TRPC4: variants seen among roughly 807,000 people sequenced by gnomAD.
The protein encoded by TRPC4 is short transient receptor potential channel 4.
In TRPC4, 49 loss-of-function variants were observed where a neutral mutation model predicts 99.4. The ratio of observed to expected loss-of-function variants is 0.49; its 90% CI spans 0.39 to 0.63. The LOEUF is 0.63. Ranked by LOEUF, TRPC4 falls within the 20% of genes least tolerant of loss-of-function variation. The pLI is 0.00. For missense variants in TRPC4, 898 were observed against 1,152.9 expected (o/e 0.78, Z 3.20); for synonymous variants, 454 against 425.9 (o/e 1.07, Z -0.81).
chr13:37,692,463 C>A (rs1393861223), intron 3 of TRPC4, 128 bp from the exon 4 acceptor site: 3 of 875,408 alleles, frequency 3.4e-6, no homozygotes, highest in Non-Finnish European at 5.2e-6. Flanking sequence ...TACATTTAAA[C>A]AATCAAAAGG....
At chr13:37,805,311 G>A (rs1410829530) in intron 1 of TRPC4, among the ~76,000 whole-genome samples, 39 of 151,898 alleles carry the variant, frequency 2.6e-4, no homozygotes, top group Admixed American at 2.6e-3. Context: ...TTCTATCAAT[G>A]ACAAATTACA....
rs935147208 is a variant in TRPC4 at position 37,633,853 on chromosome 13, A to T, written c.*3050T>A. On this transcript the variant is annotated 3_prime_UTR_variant, in exon 11 of 11. Transcript: ENST00000379705. ...AAAATAATTCACCCCATTTTAAAAA[A>T]TATAGCCAATTTCCTTACTGAAGTT... Among the ~76,000 whole-genome samples, 1 of 152,164 alleles carries T rather than the reference A, an allele frequency of 6.6e-6. No homozygotes were observed. The highest frequency in any genetic ancestry group is 2.4e-5 in the African/African-American group (1 of 41,460).
chr13:37,844,250 C>T (rs1459911124), intron 1 of TRPC4, among the ~76,000 whole-genome samples: 5 of 151,982 alleles, frequency 3.3e-5, no homozygotes, highest in African/African-American at 1.2e-4. Flanking sequence ...TAGCTGACAG[C>T]ATCACACTAC....
chr13:37,805,263 T>C (rs1957502838), intron 1 of TRPC4, among the ~76,000 whole-genome samples: 1 of 151,992 alleles, frequency 6.6e-6, no homozygotes, highest in Non-Finnish European at 1.5e-5. Flanking sequence ...TTTAATGATA[T>C]GAATTTTTGC....
chr13:37,734,279 GCTCTTGGAAAT>G (rs1955329827), intron 3 of TRPC4, among the ~76,000 whole-genome samples: 1 of 152,220 alleles, frequency 6.6e-6, no homozygotes, highest in Admixed American at 6.5e-5. Flanking sequence ...CAATAAGGTG[GCTCTTGGAAAT>G]CTCATTTTAT....
chr13:37,775,319 T>C (rs1183337881), intron 2 of TRPC4, among the ~76,000 whole-genome samples: 1 of 151,840 alleles, frequency 6.6e-6, no homozygotes, highest in Admixed American at 6.6e-5. Context: ...GCTCTTTCAA[T>C]GCTAGGCATA....
At chr13:37,675,322 C>T (rs1417560434) in intron 4 of TRPC4, among the ~76,000 whole-genome samples, 1 of 152,142 alleles carries the variant, frequency 6.6e-6, no homozygotes, top group Non-Finnish European at 1.5e-5. Context: ...AAAATATATG[C>T]ACGTTCCTCT....
chr13:37,713,149 CAG>C (rs570627138), intron 3 of TRPC4, among the ~76,000 whole-genome samples: 31 of 152,228 alleles, frequency 2.0e-4, no homozygotes, highest in Non-Finnish European at 4.0e-4. Flanking sequence ...GCAGCAGAAG[CAG>C]AGTTAGCTCC....
intron 4 of TRPC4, among the ~76,000 whole-genome samples, chr13:37,691,311 A>G (rs1401941144): frequency 6.6e-6 from 1 of 152,136 alleles, no homozygotes; most frequent in Non-Finnish European, 1.5e-5. Context: ...TCACCGTGTT[A>G]GCTAGGATGG....
At chr13:37,807,687 C>T (rs867714985) in intron 1 of TRPC4, among the ~76,000 whole-genome samples, 3 of 152,038 alleles carry the variant, frequency 2.0e-5, no homozygotes, top group Non-Finnish European at 1.5e-5. Flanking sequence ...AAGTCCACTG[C>T]ACTGACATGT....
chr13:37,711,925 C>A (rs1954499001), intron 3 of TRPC4, among the ~76,000 whole-genome samples: 1 of 151,190 alleles, frequency 6.6e-6, no homozygotes, highest in African/African-American at 2.4e-5. Flanking sequence ...AGGATATAAG[C>A]AATATAAACA....
intron 3 of TRPC4, among the ~76,000 whole-genome samples, chr13:37,730,827 T>A (rs1955216881): frequency 6.6e-6 from 1 of 152,074 alleles, no homozygotes; most frequent in South Asian, 2.1e-4. Flanking sequence ...GGTTGCCCAG[T>A]CGAAAATTGA....
At chr13:37,864,755 G>A (rs770092673) in intron 1 of TRPC4, among the ~76,000 whole-genome samples, 3 of 151,512 alleles carry the variant, frequency 2.0e-5, no homozygotes, top group Admixed American at 6.6e-5. Flanking sequence ...GAGAAATGAA[G>A]GAAACTTTCA....
At position 37,632,365 on chromosome 13, in the gene TRPC4, A is replaced by C. The variant is rs1434279471; in HGVS notation, c.*4538T>G. On this transcript the variant is annotated 3_prime_UTR_variant, in exon 11 of 11. Coordinates refer to ENST00000379705, the MANE Select transcript of TRPC4 (RefSeq NM_016179.4). ...ACTATCAGTTCAATATGTAGCCAACATAAAATATTTATGAGCTAGTTTACA... is the reference window on the plus strand; with the variant it reads ...ACTATCAGTTCAATATGTAGCCAACCTAAAATATTTATGAGCTAGTTTACA... Among the ~76,000 whole-genome samples the C allele has an allele frequency of 3.9e-5, 6 of 152,226 alleles. No homozygotes were observed. Among genetic ancestry groups the C allele is most frequent in the African/African-American group, 1.4e-4 (6 of 41,466 alleles).
At chr13:37,753,194 A>T (rs143222981) in intron 2 of TRPC4, among the ~76,000 whole-genome samples, 62 of 152,258 alleles carry the variant, frequency 4.1e-4, no homozygotes, top group Admixed American at 8.5e-4. Flanking sequence ...TGACAGCATC[A>T]AAGAGAAGAC....
chr13:37,759,749 A>G (rs2139233489), intron 2 of TRPC4, among the ~76,000 whole-genome samples: 1 of 152,102 alleles, frequency 6.6e-6, no homozygotes, highest in South Asian at 2.1e-4. Context: ...ATTGAAAGCT[A>G]GAGGGATAAA....
At chr13:37,773,422 T>C (rs981470283) in intron 2 of TRPC4, among the ~76,000 whole-genome samples, 2 of 151,828 alleles carry the variant, frequency 1.3e-5, no homozygotes, top group Non-Finnish European at 2.9e-5. Flanking sequence ...TTTTCTGTAT[T>C]CCCCACTCAT....
intron 1 of TRPC4, among the ~76,000 whole-genome samples, chr13:37,862,967 A>G (rs1959483096): frequency 6.6e-6 from 1 of 151,476 alleles, no homozygotes; most frequent in Non-Finnish European, 1.5e-5. Context: ...TACTTTTTCT[A>G]TGTTTAAATA....
chr13:37,807,332 G>T (rs903684058), intron 1 of TRPC4, among the ~76,000 whole-genome samples: 1 of 151,982 alleles, frequency 6.6e-6, no homozygotes, highest in African/African-American at 2.4e-5. Context: ...ATTAGAAATA[G>T]ATCATAATTA....
Sources: allele counts gnomAD v4.1 joint callset (sites outside exome capture counted in the v4.1 genomes callset), GRCh38; gene constraint gnomAD v4.1.1; transcripts MANE v1.5; gene names NCBI Gene and HGNC (gene_info 2026-07-23, HGNC 2026-07-21).